The following KCNIP4 variants were observed in gnomAD, a reference collection of about 807,000 sequenced individuals.
The protein encoded by KCNIP4 is potassium voltage-gated channel interacting protein 4.
In KCNIP4, 12 loss-of-function variants were observed where a neutral mutation model predicts 34.0. The ratio of observed to expected loss-of-function variants is 0.35; its 90% CI spans 0.23 to 0.57. The LOEUF is 0.57. Ranked by LOEUF, KCNIP4 falls within the 20% of genes least tolerant of loss-of-function variation. The pLI is 0.83. For missense variants in KCNIP4, 238 were observed against 311.7 expected (o/e 0.76, Z 1.78); for synonymous variants, 124 against 102.2 (o/e 1.21, Z -1.29).
At chr4:21,386,627 C>A (rs1722059106) in intron 1 of KCNIP4, among the ~76,000 whole-genome samples, 1 of 152,166 alleles carries the variant, frequency 6.6e-6, no homozygotes, top group Non-Finnish European at 1.5e-5. Context: ...AACATTTAGT[C>A]CCAGCCTTAC....
In KCNIP4 at chr4:21,896,534, T is replaced by C. The variant is rs377682845; in HGVS notation, c.61+52037A>G. 2.1e-3 allele frequency among the ~76,000 whole-genome samples: 154 copies of C among 72,338 alleles called. 1 individual carries two copies. Among genetic ancestry groups the C allele is most frequent in the African/African-American group, 0.011 (152 of 14,226 alleles). 47.5% of individuals were successfully genotyped at this position (72,338 alleles called of 152,430 possible). A position where few individuals can be genotyped will look rare whatever the true frequency, so the allele number is the denominator to read the frequency against. On this transcript the variant is annotated intron_variant, in intron 1 of 8. Transcript: ENST00000382152. ...AGAGGAGTAAGGACAAAGGAAAATGTAAGTGTGGTCTGTTGAGGCTATCAT... is the reference window on the plus strand; with the variant it reads ...AGAGGAGTAAGGACAAAGGAAAATGCAAGTGTGGTCTGTTGAGGCTATCAT...
intron 1 of KCNIP4, among the ~76,000 whole-genome samples, chr4:21,186,636 C>A (rs909929516): frequency 6.6e-6 from 1 of 152,120 alleles, no homozygotes; most frequent in Non-Finnish European, 1.5e-5. Flanking sequence ...CTTTCTCAAC[C>A]CTTTTTAAGT....
At chr4:21,637,289 GGTAAATACTTTA>G in intron 1 of KCNIP4, among the ~76,000 whole-genome samples, 1 of 152,124 alleles carries the variant, frequency 6.6e-6, no homozygotes, top group African/African-American at 2.4e-5. Context: ...AAATACTTTA[GGTAAATACTTTA>G]GTAAATACTT....
chr4:21,030,373 T>C (rs943529372), intron 1 of KCNIP4, among the ~76,000 whole-genome samples: 1 of 152,220 alleles, frequency 6.6e-6, no homozygotes, highest in African/African-American at 2.4e-5. Context: ...TCATGGCTCC[T>C]ACTCATTCTA....
chr4:20,849,420 TA>T, intron 3 of KCNIP4, among the ~76,000 whole-genome samples: 1 of 152,262 alleles, frequency 6.6e-6, no homozygotes, highest in South Asian at 2.1e-4. Context: ...AGAAACCCTA[TA>T]AAAATATTCT....
At chr4:21,707,652 G>A (rs1446722942) in intron 1 of KCNIP4, among the ~76,000 whole-genome samples, 1 of 151,968 alleles carries the variant, frequency 6.6e-6, no homozygotes, top group African/African-American at 2.4e-5. Flanking sequence ...GGAGAGCCCT[G>A]AGAGTCAGAG....
chr4:21,111,453 T>C (rs1749158554), intron 1 of KCNIP4, among the ~76,000 whole-genome samples: 1 of 152,126 alleles, frequency 6.6e-6, no homozygotes, highest in Non-Finnish European at 1.5e-5. Flanking sequence ...ATAGGAAGAA[T>C]GTGGCAACCA....
intron 1 of KCNIP4, among the ~76,000 whole-genome samples, chr4:21,569,019 T>A (rs961879255): frequency 4.6e-5 from 7 of 151,994 alleles, no homozygotes; most frequent in Middle Eastern, 3.4e-3. Context: ...GTAAGATCAC[T>A]CTCACCGCAT....
At chr4:21,564,368 C>A (rs1473419830) in intron 1 of KCNIP4, among the ~76,000 whole-genome samples, 3 of 152,066 alleles carry the variant, frequency 2.0e-5, no homozygotes, top group African/African-American at 7.2e-5. Context: ...CCCTCCAACA[C>A]CCACTCCTCA....
chr4:21,271,868 T>G (rs1762167339), intron 1 of KCNIP4, among the ~76,000 whole-genome samples: 1 of 152,174 alleles, frequency 6.6e-6, no homozygotes, highest in African/African-American at 2.4e-5. Context: ...TCATTACCAA[T>G]CAAGAAAGCT....
chr4:21,896,930 AAAT>A (rs1424871414), intron 1 of KCNIP4, among the ~76,000 whole-genome samples: 59 of 105,510 alleles, frequency 5.6e-4, no homozygotes, highest in East Asian at 4.3e-3. Context: ...ATACATAAAT[AAAT>A]AATAAATAAA....
At chr4:21,418,338 G>T (rs1284879576) in intron 1 of KCNIP4, among the ~76,000 whole-genome samples, 1 of 152,028 alleles carries the variant, frequency 6.6e-6, no homozygotes, top group Non-Finnish European at 1.5e-5. Context: ...CATTAAAAAA[G>T]GAACCCCAGT....
chr4:21,387,336 A>G (rs948445358), intron 1 of KCNIP4, among the ~76,000 whole-genome samples: 2 of 152,186 alleles, frequency 1.3e-5, no homozygotes, highest in Admixed American at 6.6e-5. Flanking sequence ...ATTTGGTTCA[A>G]TAAGAAAAGT....
At chr4:21,600,306 T>C (rs1365289330) in intron 1 of KCNIP4, among the ~76,000 whole-genome samples, 1 of 152,144 alleles carries the variant, frequency 6.6e-6, no homozygotes, top group East Asian at 1.9e-4. Flanking sequence ...CTGCTCAAAC[T>C]TTCATAATTA....
intron 1 of KCNIP4, among the ~76,000 whole-genome samples, chr4:21,489,846 G>T (rs1038696977): frequency 6.6e-6 from 1 of 151,946 alleles, no homozygotes; most frequent in African/African-American, 2.4e-5. Context: ...TAAACACTGA[G>T]ATTTGACACA....
intron 1 of KCNIP4, among the ~76,000 whole-genome samples, chr4:21,022,255 A>T (rs973610668): frequency 2.0e-5 from 3 of 152,318 alleles, no homozygotes; most frequent in African/African-American, 7.2e-5. Context: ...TCCTGACCAT[A>T]GAAGAATGCA....
intron 1 of KCNIP4, among the ~76,000 whole-genome samples, chr4:21,757,342 G>A (rs181745724): frequency 1.3e-5 from 2 of 152,186 alleles, no homozygotes; most frequent in East Asian, 3.9e-4. Context: ...AATCATTCAG[G>A]ATACCTCTTT....
intron 1 of KCNIP4, among the ~76,000 whole-genome samples, chr4:21,051,796 G>A (rs1223814712): frequency 6.6e-6 from 1 of 152,112 alleles, no homozygotes; most frequent in Non-Finnish European, 1.5e-5. Context: ...GAAGCTTCTG[G>A]TTAAATATCA....
chr4:21,478,450 G>A (rs1252706071), intron 1 of KCNIP4, among the ~76,000 whole-genome samples: 1 of 152,006 alleles, frequency 6.6e-6, no homozygotes, highest in Non-Finnish European at 1.5e-5. Flanking sequence ...AATGGGGTGG[G>A]GGAAATAGCA....
Sources: allele counts gnomAD v4.1 joint callset (sites outside exome capture counted in the v4.1 genomes callset), GRCh38; gene constraint gnomAD v4.1.1; transcripts MANE v1.5; gene names NCBI Gene and HGNC (gene_info 2026-07-23, HGNC 2026-07-21).